The following MGLL variants were observed in gnomAD, a reference collection of about 807,000 sequenced individuals.
MGLL encodes lysophospholipase homolog.
In MGLL, 7 loss-of-function variants were observed where a neutral mutation model predicts 29.1. That is an observed-to-expected ratio of 0.24 (90% CI 0.14 to 0.45). The LOEUF (loss-of-function observed/expected upper bound fraction) is 0.45. Among genes scored for constraint, MGLL ranks in the 20% least tolerant of loss-of-function variants. The pLI is 0.99. For synonymous variants in MGLL, 148 were observed against 168.3 expected (o/e 0.88, Z 0.93); for missense variants, 356 against 413.6 (o/e 0.86, Z 1.21).
Position 127,690,360 on chromosome 3 carries a change from C to T in MGLL, c.*1838G>A, listed in dbSNP as rs2075220545. 1 of 152,234 alleles carries T rather than the reference C, an allele frequency of 6.6e-6. No individual in the cohort carries two copies. The highest frequency in any genetic ancestry group is 6.5e-5 in the Admixed American group (1 of 15,286). The allele number at this position is 152,234 out of a possible 1,614,324, so 9.4% of individuals were successfully genotyped here. A position where few individuals can be genotyped will look rare whatever the true frequency, so the allele number is the denominator to read the frequency against. On this transcript the variant is annotated 3_prime_UTR_variant, in exon 8 of 8. Transcript: ENST00000265052. ...CTTGGGCCGGGTCAGCAACCAAGCC[C>T]CCACCTGCCCCTTGTGGGGTGAGGG...
chr3:127,787,393 G>A (rs941713484), intron 2 of MGLL, among the ~76,000 whole-genome samples: 1 of 152,196 alleles, frequency 6.6e-6, no homozygotes, highest in Admixed American at 6.5e-5. Flanking sequence ...AGAATTAAAC[G>A]GACAGTCCCC....
intron 3 of MGLL, among the ~76,000 whole-genome samples, chr3:127,769,360 G>GGA: frequency 6.7e-6 from 1 of 149,632 alleles, no homozygotes; most frequent in South Asian, 2.1e-4. Context: ...CAAAAAAAAA[G>GGA]AAAAAAAAAA....
intron 6 of MGLL, among the ~76,000 whole-genome samples, chr3:127,701,166 G>C (rs576916809): frequency 3.5e-4 from 45 of 130,434 alleles, no homozygotes; most frequent in African/African-American, 1.3e-3. Flanking sequence ...AGTGAGCTGA[G>C]ATCACGCCAC....
At chr3:127,755,238 A>G (rs193234990) in intron 3 of MGLL, among the ~76,000 whole-genome samples, 171 of 152,348 alleles carry the variant, frequency 1.1e-3, no homozygotes, top group African/African-American at 3.9e-3. Flanking sequence ...GAACAAGGGA[A>G]AAACCAAAGA....
chr3:127,755,138 G>GC (rs1044122171), intron 3 of MGLL, among the ~76,000 whole-genome samples: 1 of 152,168 alleles, frequency 6.6e-6, no homozygotes, highest in African/African-American at 2.4e-5. Flanking sequence ...ACTAGGGGAT[G>GC]CCCCATGCAT....
intron 3 of MGLL, among the ~76,000 whole-genome samples, chr3:127,777,536 C>A (rs1350001570): frequency 6.6e-6 from 1 of 152,230 alleles, no homozygotes; most frequent in Non-Finnish European, 1.5e-5. Flanking sequence ...CTGATAGGAG[C>A]CCAGCCCTTT....
At chr3:127,733,130 C>G (rs1386473104) in intron 3 of MGLL, among the ~76,000 whole-genome samples, 1 of 152,112 alleles carries the variant, frequency 6.6e-6, no homozygotes, top group Non-Finnish European at 1.5e-5. Flanking sequence ...AAACCGGTTG[C>G]AGTAAAGAAG....
intron 5 of MGLL, chr3:127,712,824 A>G (rs2107610057): frequency 6.6e-6 from 1 of 152,446 alleles, no homozygotes; most frequent in East Asian, 1.9e-4. Context: ...GGGAAAGGAA[A>G]ACTTGGAATT....
chr3:127,803,828 G>T (rs1036893602), intron 2 of MGLL, among the ~76,000 whole-genome samples: 1 of 152,168 alleles, frequency 6.6e-6, no homozygotes, highest in Non-Finnish European at 1.5e-5. Context: ...AATCCTCTGA[G>T]TACTTAAGAG....
At chr3:127,815,635 C>A (rs143677854) in intron 2 of MGLL, among the ~76,000 whole-genome samples, 5 of 152,230 alleles carry the variant, frequency 3.3e-5, no homozygotes, top group African/African-American at 1.2e-4. Context: ...CTCTCCCCCA[C>A]GTGCCCTTTC....
chr3:127,730,846 G>A (rs2076137662), intron 3 of MGLL, among the ~76,000 whole-genome samples: 1 of 152,212 alleles, frequency 6.6e-6, no homozygotes, highest in African/African-American at 2.4e-5. Context: ...ACAGTCCTGA[G>A]TGAACGATGA....
intron 7 of MGLL, among the ~76,000 whole-genome samples, chr3:127,693,485 A>T (rs2075287853): frequency 6.6e-6 from 1 of 152,196 alleles, no homozygotes; most frequent in Admixed American, 6.5e-5. Context: ...TGACTGGTGC[A>T]TCCTCACTGG....
chr3:127,804,315 C>T (rs1054436269), intron 2 of MGLL, among the ~76,000 whole-genome samples: 8 of 152,206 alleles, frequency 5.3e-5, no homozygotes, highest in East Asian at 1.9e-4. Context: ...TGCAGGGCCA[C>T]GGGGCGGACC....
chr3:127,737,490 A>G (rs555869925), intron 3 of MGLL, among the ~76,000 whole-genome samples: 1 of 151,488 alleles, frequency 6.6e-6, no homozygotes, highest in Admixed American at 6.6e-5. Flanking sequence ...GCCCACTGCC[A>G]TGATAAGGGT....
rs144660791 is a variant in MGLL, at chr3:127,781,310, G to T, written c.262+479C>A. Among the ~76,000 whole-genome samples, 323 of 152,302 alleles carry T rather than the reference G, an allele frequency of 2.1e-3. 6 individuals are homozygous for T. The highest frequency in any genetic ancestry group is 7.4e-3 in the African/African-American group (309 of 41,562). ...TATGCATGGGTAGCTGTGTGTCCTTGTATTTGTGTGTGTGTTGGGTTTTCT... is the reference window on the plus strand; with the variant it reads ...TATGCATGGGTAGCTGTGTGTCCTTTTATTTGTGTGTGTGTTGGGTTTTCT... On this transcript the variant is annotated intron_variant, in intron 3 of 7. Coordinates refer to ENST00000265052, the MANE Select transcript of MGLL (RefSeq NM_007283.7).
rs148113853 is a variant in MGLL at position 127,697,667 on chromosome 3, G to A, written c.601-2477C>T. ...AATAGAAAGCAGGCAGGGGCTGTGTGCACATTCTGGGTTGACGGCTTATTT... is the reference window on the plus strand; with the variant it reads ...AATAGAAAGCAGGCAGGGGCTGTGTACACATTCTGGGTTGACGGCTTATTT... On this transcript the variant is annotated intron_variant, in intron 6 of 7. Coordinates refer to ENST00000265052, the MANE Select transcript of MGLL (RefSeq NM_007283.7). 1.4e-4 allele frequency among the ~76,000 whole-genome samples: 21 copies of A among 152,348 alleles called. No individual in the cohort carries two copies. The East Asian group carries it at 3.7e-3, about 27-fold the overall frequency.
intron 3 of MGLL, among the ~76,000 whole-genome samples, chr3:127,728,645 A>T (rs557175530): frequency 6.6e-6 from 1 of 152,228 alleles, no homozygotes. Context: ...CTTGGATTGT[A>T]TCCAAGCTCT....
chr3:127,789,655 G>T (rs1049608456), intron 2 of MGLL, among the ~76,000 whole-genome samples: 2 of 151,658 alleles, frequency 1.3e-5, no homozygotes, highest in Non-Finnish European at 2.9e-5. Context: ...TCATGATCAC[G>T]CCACTGCACT....
At chr3:127,778,534 T>C (rs2077072683) in intron 3 of MGLL, among the ~76,000 whole-genome samples, 1 of 152,226 alleles carries the variant, frequency 6.6e-6, no homozygotes, top group African/African-American at 2.4e-5. Flanking sequence ...TATTAGTGTC[T>C]GAGCCCTTCT....
Sources: allele counts gnomAD v4.1 joint callset (sites outside exome capture counted in the v4.1 genomes callset), GRCh38; gene constraint gnomAD v4.1.1; transcripts MANE v1.5; gene names NCBI Gene and HGNC (gene_info 2026-07-23, HGNC 2026-07-21).